ZBTB49: variants seen among roughly 807,000 people sequenced by gnomAD.
The protein encoded by ZBTB49 is zinc finger and BTB domain containing 49.
ZBTB49 carries 43 observed loss-of-function variants against 57.5 expected under a neutral mutation model. The ratio of observed to expected loss-of-function variants is 0.75; its 90% CI spans 0.59 to 0.97. ZBTB49 has a LOEUF of 0.97. Among genes scored for constraint, ZBTB49 ranks in the 50% least tolerant of loss-of-function variants. The probability of loss-of-function intolerance (pLI) is 0.00; values close to 1 mark genes in which losing one functional copy is unlikely to be tolerated. For synonymous variants in ZBTB49, 369 were observed against 362.1 expected (o/e 1.02, Z -0.22); for missense variants, 938 against 947.7 (o/e 0.99, Z 0.13).
chr4:4,306,114 AGTT>A (rs759502555), intron 3 of ZBTB49, 21 bp from the exon 4 acceptor site: 60 of 1,606,824 alleles, frequency 3.7e-5, no homozygotes, highest in East Asian at 1.1e-4. Flanking sequence ...TGATTTTACA[AGTT>A]GTTGTTTTGT....
At chr4:4,320,566 G>C (rs1189207785) in intron 7 of ZBTB49, 74 bp from the exon 8 acceptor site, 11 of 1,570,316 alleles carry the variant, frequency 7.0e-6, no homozygotes, top group African/African-American at 6.8e-5. Flanking sequence ...TTTGAGGCTA[G>C]GAGTTCACGA....
chr4:4,320,111 T>C (rs1721345417), intron 7 of ZBTB49, among the ~76,000 whole-genome samples: 1 of 152,044 alleles, frequency 6.6e-6, no homozygotes, highest in Non-Finnish European at 1.5e-5. Flanking sequence ...GTTTCTAAAT[T>C]ATAGATTGGC....
chr4:4,315,525 CT>C, intron 5 of ZBTB49, 110 bp from the exon 6 acceptor site: 1 of 1,048,758 alleles, frequency 9.5e-7, no homozygotes, highest in Non-Finnish European at 1.4e-6. Context: ...GTTCACGTTC[CT>C]TTCTGCAGCA....
At position 4,297,295 on chromosome 4, in the gene ZBTB49, C is replaced by T. The variant is rs113103866; in HGVS notation, c.-19-2632C>T. 1.2e-3 allele frequency among the ~76,000 whole-genome samples: 181 copies of T among 152,262 alleles called. 1 individual carries two copies. Among genetic ancestry groups the T allele is most frequent in the African/African-American group, 4.1e-3 (169 of 41,564 alleles). ...ATGTTGGCCAGGCTGGTCTCGAACTCCTGACCTCAGGTGATCCCCCCACCT... is the reference window on the plus strand; with the variant it reads ...ATGTTGGCCAGGCTGGTCTCGAACTTCTGACCTCAGGTGATCCCCCCACCT... On this transcript the variant is annotated intron_variant, in intron 1 of 7. Coordinates refer to ENST00000337872, the MANE Select transcript of ZBTB49 (RefSeq NM_145291.4).
At chr4:4,307,012 C>T (rs1009733832) in intron 4 of ZBTB49, among the ~76,000 whole-genome samples, 1 of 152,250 alleles carries the variant, frequency 6.6e-6, no homozygotes, top group Non-Finnish European at 1.5e-5. Context: ...TGTTTGCTCG[C>T]ATTCCCCCTA....
chr4:4,301,889 G>A, intron 2 of ZBTB49, 100 bp from the exon 3 acceptor site: 1 of 1,183,898 alleles, frequency 8.4e-7, no homozygotes. Flanking sequence ...GACATTCACA[G>A]AAGGATAGTA....
intron 7 of ZBTB49, among the ~76,000 whole-genome samples, chr4:4,319,538 G>C (rs2108904202): frequency 6.6e-6 from 1 of 152,278 alleles, no homozygotes; most frequent in East Asian, 1.9e-4. Flanking sequence ...GCTGAATACA[G>C]GGCCAGGCGC....
Position 4,302,826 on chromosome 4 carries a change from T to C in ZBTB49, c.990T>C (p.Asp330=), listed in dbSNP as rs754820761. The change falls in exon 3 of 8, where the codon GAT becomes GAC. Residue 330 remains aspartate, a synonymous_variant. Transcript: ENST00000337872. ...YAEQVSEPKS[D]DGLTKRLESA... ...AGCAAGTATCTGAACCCAAGTCAGA[T>C]GATGGTTTGACAAAGAGGTTGGAAT... 1 of 1,613,936 alleles carries C rather than the reference T, an allele frequency of 6.2e-7. No individual in the cohort carries two copies. Among genetic ancestry groups the C allele is most frequent in the Admixed American group, 1.7e-5 (1 of 60,016 alleles).
At chr4:4,317,279 G>C (rs1419476683) in intron 7 of ZBTB49, among the ~76,000 whole-genome samples, 16 of 152,162 alleles carry the variant, frequency 1.1e-4, no homozygotes, top group Admixed American at 1.0e-3. Context: ...GGATGGGGGA[G>C]CGCTGAAGAG....
chr4:4,318,810 TG>T (rs962160019), intron 7 of ZBTB49, among the ~76,000 whole-genome samples: 6 of 151,854 alleles, frequency 4.0e-5, no homozygotes, highest in Admixed American at 2.6e-4. Flanking sequence ...CCTTACATTG[TG>T]GACAAAACAC....
chr4:4,317,545 G>A (rs565567830), intron 7 of ZBTB49, among the ~76,000 whole-genome samples: 2 of 152,058 alleles, frequency 1.3e-5, no homozygotes, highest in African/African-American at 4.8e-5. Context: ...GGACTTGCCC[G>A]TTCTAGACAT....
intron 4 of ZBTB49, among the ~76,000 whole-genome samples, chr4:4,312,380 T>C (rs1258287094): frequency 1.3e-5 from 2 of 152,232 alleles, no homozygotes; most frequent in Non-Finnish European, 1.5e-5. Flanking sequence ...GATTAGTACA[T>C]AGAAATCCAT....
Position 4,313,105 on chromosome 4 carries a change from G to T in ZBTB49, c.1367G>T (p.Cys456Phe). 1 of 1,614,182 alleles carries T rather than the reference G, an allele frequency of 6.2e-7. No homozygotes were observed. The highest frequency in any genetic ancestry group is 8.5e-7 in the Non-Finnish European group (1 of 1,180,028). Residue 456 changes from cysteine (C) to phenylalanine (F), a missense_variant, in exon 5 of 8, where the codon TGT becomes TTT. By Grantham distance (205) the Cys-to-Phe change is radical. Coordinates refer to ENST00000337872, the MANE Select transcript of ZBTB49 (RefSeq NM_145291.4). Reference sequence around the variant, plus strand: ...GAAAAACCATACATCTGCGAGATCTGTGGAAAGAGGTCAGTGCTGGGCGTG... The same window carrying T: ...GAAAAACCATACATCTGCGAGATCTTTGGAAAGAGGTCAGTGCTGGGCGTG... ...SGEKPYICEI[C>F]GKRFAASGDV...
At chr4:4,295,642 A>G (rs929435722) in intron 1 of ZBTB49, among the ~76,000 whole-genome samples, 2 of 152,206 alleles carry the variant, frequency 1.3e-5, no homozygotes, top group Non-Finnish European at 2.9e-5. Context: ...CACTGGGAAC[A>G]GTGTTCGCCG....
chr4:4,303,726 T>TTCTCTCTCTCTC (rs148456390), intron 3 of ZBTB49, among the ~76,000 whole-genome samples: 69 of 121,782 alleles, frequency 5.7e-4, no homozygotes, highest in Middle Eastern at 4.7e-3. Context: ...TTTTAAGGTA[T>TTCTCTCTCTCTC]TCTCTCTCTC....
intron 4 of ZBTB49, among the ~76,000 whole-genome samples, chr4:4,311,784 T>G (rs1438471191): frequency 6.6e-6 from 1 of 152,252 alleles, no homozygotes; most frequent in Admixed American, 6.5e-5. Context: ...TTCCAAAGTT[T>G]TGTCAAACTC....
chr4:4,303,758 C>CTGTGTGTG lies in ZBTB49; in HGVS notation c.1255+668_1255+669insGTGTGTGT, dbSNP rs1281680339. On this transcript the variant is annotated intron_variant, in intron 3 of 7. Coordinates refer to ENST00000337872, the MANE Select transcript of ZBTB49 (RefSeq NM_145291.4). ...TCTCTCTCTCTCTCTCTCTCTCTCT[C>CTGTGTGTG]TCTGTGTGTGTGTCTCTCTCTCTCT... Among the ~76,000 whole-genome samples, 788 of 93,630 alleles carry CTGTGTGTG rather than the reference C, an allele frequency of 8.4e-3. 8 individuals are homozygous for CTGTGTGTG. The highest frequency in any genetic ancestry group is 0.022 in the Admixed American group (210 of 9,734). The allele number at this position is 93,630 out of a possible 152,430, so 61.4% of individuals were successfully genotyped here.
intron 7 of ZBTB49, among the ~76,000 whole-genome samples, chr4:4,317,189 C>CGTCG (rs56747348): frequency 6.6e-6 from 1 of 152,172 alleles, no homozygotes; most frequent in African/African-American, 2.4e-5. Flanking sequence ...GCCTTCCGTC[C>CGTCG]CCTCTGCCCC....
chr4:4,296,036 G>T (rs147085408), intron 1 of ZBTB49, among the ~76,000 whole-genome samples: 6 of 152,264 alleles, frequency 3.9e-5, no homozygotes, highest in Middle Eastern at 3.4e-3. Flanking sequence ...GGAAAGAGGA[G>T]AGGGCTATGG....
Sources: gnomAD v4.1 joint callset for allele counts (sites outside exome capture counted in the v4.1 genomes callset) on GRCh38, gnomAD v4.1.1 for gene constraint, MANE v1.5 for transcripts, NCBI Gene and HGNC (gene_info 2026-07-23, HGNC 2026-07-21) for gene names.